KANSL1: variants seen among roughly 807,000 people sequenced by gnomAD.
The protein encoded by KANSL1 is KAT8 regulatory NSL complex subunit 1, also known as MLL1/MLL complex subunit KANSL1.
Under a neutral mutation model 103.6 loss-of-function variants are expected in KANSL1, and 22 were observed. The ratio of observed to expected loss-of-function variants is 0.21; its 90% confidence interval spans 0.15 to 0.30. KANSL1 has a LOEUF of 0.30. KANSL1 is among the 10% of genes least tolerant of loss of function. The probability of loss-of-function intolerance (pLI) is 1.00; values close to 1 mark genes in which losing one functional copy is unlikely to be tolerated. For missense variants in KANSL1, 1,337 were observed against 1,399.8 expected, an observed-to-expected ratio of 0.96 and a Z score of 0.72; for synonymous variants, 600 against 527.6, an observed-to-expected ratio of 1.14 and a Z score of -1.88.
intron 1 of KANSL1, among the ~76,000 whole-genome samples, chr17:46,178,765 A>T (rs1252963903): frequency 6.6e-6 from 1 of 152,224 alleles, no homozygotes; most frequent in Non-Finnish European, 1.5e-5. Flanking sequence ...TGAATATGCA[A>T]ATGTTTACCT....
At chr17:46,093,292 A>G (rs2079485825) in intron 3 of KANSL1, 1 of 152,630 alleles carries the variant, frequency 6.6e-6, no homozygotes, top group South Asian at 2.1e-4. Context: ...CTTTGTGAAG[A>G]CTTGGGAAAG....
intron 2 of KANSL1, among the ~76,000 whole-genome samples, chr17:46,107,964 C>T (rs1413421821): frequency 6.6e-6 from 1 of 152,230 alleles, no homozygotes; most frequent in Non-Finnish European, 1.5e-5. Context: ...TCAGCCACTT[C>T]TTGCCACTTC....
In KANSL1 at chr17:46,038,982, G is replaced by A. The variant is rs528363794; in HGVS notation, c.2392+45C>T. The A allele has an allele frequency of 2.1e-5, 33 of 1,587,762 alleles. No homozygotes were observed. In the East Asian group the frequency reaches 6.7e-4, roughly 32 times the overall value. On this transcript the variant is annotated intron_variant, in intron 9 of 14. Transcript: ENST00000432791. The stretch of plus-strand genomic sequence containing the variant: ...AGCCTAGGCTGCCCCAGAAAGCCCT[G>A]AGCAGGTGCAGTTGCAGGTAGAGGT...
rs191411820 is a variant in KANSL1 at position 46,174,468 on chromosome 17, C to A, written c.-89-2236G>T. Among the ~76,000 whole-genome samples, 5 of 152,346 alleles carry A rather than the reference C, an allele frequency of 3.3e-5. No individual in the cohort carries two copies. In the East Asian group the frequency reaches 9.6e-4, roughly 29 times the overall value. On this transcript the variant is annotated intron_variant, in intron 1 of 14. Transcript: ENST00000432791. ...AAAGTGCTGGGATTACAGGCCTAAG[C>A]TGCCACATTCGGACTTTCTGAATAT... is the stretch of plus-strand genomic sequence containing the variant.
chr17:46,056,152 C>T (rs1465580537), intron 6 of KANSL1, among the ~76,000 whole-genome samples: 1 of 152,172 alleles, frequency 6.6e-6, no homozygotes, highest in Non-Finnish European at 1.5e-5. Context: ...CACCCACCAC[C>T]AAGCCTGGCT....
At position 46,096,477 on chromosome 17, in the gene KANSL1, T is replaced by C. The variant is rs189602660; in HGVS notation, c.1290-1776A>G. 1.1e-4 allele frequency among the ~76,000 whole-genome samples: 17 copies of C among 148,712 alleles called. No homozygotes were observed. The East Asian group carries it at 3.4e-3, about 30-fold the overall frequency. On this transcript the variant is annotated intron_variant, in intron 2 of 14. Coordinates refer to ENST00000432791, the MANE Select transcript of KANSL1 (RefSeq NM_015443.4). ...CTGGGATTACAGGCATGCGCCACCA[T>C]GCCCGGCTAATTTTGTATTTTTAGT...
chr17:46,185,338 A>C (rs147358556), intron 1 of KANSL1, among the ~76,000 whole-genome samples: 2 of 152,342 alleles, frequency 1.3e-5, no homozygotes, highest in Non-Finnish European at 1.5e-5. Flanking sequence ...TGAACCTAGG[A>C]TAGGCTTCAC....
Position 46,052,964 on chromosome 17 carries a change from C to CAAA in KANSL1, c.1849-2263_1849-2261dup, listed in dbSNP as rs34473927. Among the ~76,000 whole-genome samples the CAAA allele has an allele frequency of 1.0e-3, 34 of 32,998 alleles. 4 individuals are homozygous for CAAA. Among genetic ancestry groups the CAAA allele is most frequent in the South Asian group, 1.7e-3 (1 of 576 alleles). The allele number at this position is 32,998 out of a possible 152,430, so 21.6% of individuals were successfully genotyped here. On this transcript the variant is annotated intron_variant, in intron 6 of 14. Coordinates refer to ENST00000432791, the MANE Select transcript of KANSL1 (RefSeq NM_015443.4). ...GGGAAAAAGAGTAAGATCCTGTCTC[C>CAAA]AAAAAAAAAAAAAAAAAAAAAAAAA...
At chr17:46,180,778 T>C (rs759842478) in intron 1 of KANSL1, among the ~76,000 whole-genome samples, 30 of 152,220 alleles carry the variant, frequency 2.0e-4, no homozygotes, top group Middle Eastern at 6.8e-3. Flanking sequence ...GGCAAAAGGA[T>C]TGCTTGAGGC....
intron 2 of KANSL1, among the ~76,000 whole-genome samples, chr17:46,108,155 C>T (rs1031876993): frequency 1.3e-5 from 2 of 152,140 alleles, no homozygotes; most frequent in African/African-American, 4.8e-5. Flanking sequence ...TAGTTGTTTA[C>T]CATCTCTAAA....
intron 2 of KANSL1, among the ~76,000 whole-genome samples, chr17:46,140,352 C>T (rs2147358680): frequency 6.6e-6 from 1 of 152,292 alleles, no homozygotes; most frequent in East Asian, 1.9e-4. Flanking sequence ...CCACTATCCA[C>T]AGGCAAAATA....
intron 13 of KANSL1, 41 bp downstream of exon 13, chr17:46,033,039 C>G: frequency 1.4e-6 from 2 of 1,480,646 alleles, no homozygotes; most frequent in Non-Finnish European, 1.8e-6. Flanking sequence ...CCTGTCCACC[C>G]TCTCTCCACA....
At chr17:46,189,723 A>G (rs890917430) in intron 1 of KANSL1, among the ~76,000 whole-genome samples, 3 of 152,086 alleles carry the variant, frequency 2.0e-5, no homozygotes, top group African/African-American at 4.8e-5. Flanking sequence ...CGTCTCTACT[A>G]AAAATACAAA....
chr17:46,168,010 C>A (rs1273073186), intron 2 of KANSL1, among the ~76,000 whole-genome samples: 1 of 152,222 alleles, frequency 6.6e-6, no homozygotes, highest in Non-Finnish European at 1.5e-5. Context: ...CGAAACCTAG[C>A]CCACCACTCT....
At chr17:46,041,370 A>C (rs1243767354) in intron 7 of KANSL1, 2 of 152,110 alleles carry the variant, frequency 1.3e-5, no homozygotes, top group African/African-American at 4.8e-5. Context: ...ATATTCTGAC[A>C]TTTCACCACC....
intron 2 of KANSL1, among the ~76,000 whole-genome samples, chr17:46,106,056 G>A (rs540922403): frequency 7.2e-5 from 11 of 152,244 alleles, no homozygotes; most frequent in Non-Finnish European, 1.3e-4. Context: ...ACTTGCCTCC[G>A]GCTATCTCTA....
At chr17:46,194,513 T>G (rs1305031771), upstream of KANSL1, among the ~76,000 whole-genome samples, 2 of 152,256 alleles carry the variant, frequency 1.3e-5, no homozygotes, top group African/African-American at 4.8e-5. Flanking sequence ...CTTAAAGAAT[T>G]CATAAACATA....
Position 46,171,283 on chromosome 17 carries a change from T to C in KANSL1, c.861A>G (p.Leu287=). 1 of 1,614,084 alleles carries C rather than the reference T, an allele frequency of 6.2e-7. No individual in the cohort carries two copies. The highest frequency in any genetic ancestry group is 8.5e-7 in the Non-Finnish European group (1 of 1,180,040). The change falls in exon 2 of 15, where the codon TTA becomes TTG. Residue 287 remains leucine (L), a synonymous_variant. Transcript: ENST00000432791. ...TCTCAATGTCAGCCTGTCGCCGCAG[T>C]AAAGCTGTTATCCTTGTGTCAGAAT... ...ALDSDTRITA[L]LRRQADIESR...
chr17:46,031,295 GAAACAA>G lies in KANSL1; in HGVS notation c.*175_*180del. On this transcript the variant is annotated 3_prime_UTR_variant, in exon 15 of 15. Coordinates refer to ENST00000432791, the MANE Select transcript of KANSL1 (RefSeq NM_015443.4). ...CTCAGGTGTGTGACAAGAAAACATG[GAAACAA>G]AAACAAAACAAAAATTAAAACAAGA... 1 of 671,486 alleles carries G rather than the reference GAAACAA, an allele frequency of 1.5e-6. No individual in the cohort carries two copies. Among genetic ancestry groups the G allele is most frequent in the African/African-American group, 1.8e-5 (1 of 55,102 alleles). 41.6% of individuals were successfully genotyped at this position (671,486 alleles called of 1,614,324 possible).
Sources: gnomAD v4.1 joint callset for allele counts (sites outside exome capture counted in the v4.1 genomes callset) on GRCh38, gnomAD v4.1.1 for gene constraint, MANE v1.5 for transcripts, NCBI Gene and HGNC (gene_info 2026-07-23, HGNC 2026-07-21) for gene names.